The following AGBL4 variants were observed in gnomAD, a reference collection of about 807,000 sequenced individuals.
The protein encoded by AGBL4 is cytosolic carboxypeptidase 6.
In AGBL4, 58 loss-of-function variants were observed where a neutral mutation model predicts 66.4. That is an observed-to-expected ratio of 0.87 (90% CI 0.71 to 1.09). AGBL4 has a LOEUF of 1.09. AGBL4 is among the 50% of genes least tolerant of loss of function. The pLI is 0.00. For synonymous variants in AGBL4, 234 were observed against 222.9 expected (o/e 1.05, Z -0.44); for missense variants, 579 against 631.0 (o/e 0.92, Z 0.88).
chr1:48,522,845 G>C, the AGBL4 span, among the ~76,000 whole-genome samples: 1 of 151,344 alleles, frequency 6.6e-6, no homozygotes, highest in African/African-American at 2.4e-5. Flanking sequence ...AGAATCGCTT[G>C]AACCTGGGAG....
intron 4 of AGBL4, among the ~76,000 whole-genome samples, chr1:49,243,114 T>C (rs1346052391): frequency 6.6e-6 from 1 of 151,250 alleles, no homozygotes; most frequent in East Asian, 1.9e-4. Context: ...ATCCAGGAAA[T>C]TTCAGATTTT....
chr1:48,760,972 T>C (rs1333289243), intron 6 of AGBL4: 1 of 173,030 alleles, frequency 5.8e-6, no homozygotes, highest in Non-Finnish European at 1.2e-5. Flanking sequence ...ACTCTGACAG[T>C]GACTGGCCCT....
At chr1:48,958,580 C>T (rs75145983) in intron 5 of AGBL4, among the ~76,000 whole-genome samples, 1,647 of 152,340 alleles carry the variant, frequency 0.011, 31 homozygotes, top group African/African-American at 0.038. Flanking sequence ...ACAATCTTTA[C>T]AGCAAGGGAA....
intron 1 of AGBL4, among the ~76,000 whole-genome samples, chr1:49,883,386 A>T (rs1264648060): frequency 6.6e-6 from 1 of 152,060 alleles, no homozygotes; most frequent in Non-Finnish European, 1.5e-5. Context: ...TCCCCAAGCA[A>T]AGATAATTAT....
At chr1:48,617,832 T>C in intron 9 of AGBL4, among the ~76,000 whole-genome samples, 1 of 152,150 alleles carries the variant, frequency 6.6e-6, no homozygotes, top group East Asian at 1.9e-4. Context: ...CTCAGAGACA[T>C]CTGGGAAAGG....
Position 49,680,052 on chromosome 1 carries a change from T to TC in AGBL4, c.282+17260_282+17261insG, listed in dbSNP as rs201816792. 2.6e-3 allele frequency among the ~76,000 whole-genome samples: 370 copies of TC among 144,454 alleles called. 2 individuals are homozygous for TC. Among genetic ancestry groups the TC allele is most frequent in the African/African-American group, 8.7e-3 (340 of 39,012 alleles). The allele number at this position is 144,454 out of a possible 152,430, so 94.8% of individuals were successfully genotyped here. ...ATTTTCTTCTTCTTCTTCTTCCCTT[T>TC]TTTTTTTTTTTTTTTTTGAGATGGA... On this transcript the variant is annotated intron_variant, in intron 3 of 13. Transcript: ENST00000371839.
intron 4 of AGBL4, among the ~76,000 whole-genome samples, chr1:49,064,704 T>A (rs888599018): frequency 3.3e-5 from 5 of 152,196 alleles, no homozygotes; most frequent in Non-Finnish European, 5.9e-5. Context: ...ATATAAGCCA[T>A]ATTTGCCTTT....
intron 3 of AGBL4, among the ~76,000 whole-genome samples, chr1:49,308,455 G>A (rs1310075895): frequency 6.6e-6 from 1 of 152,002 alleles, no homozygotes; most frequent in Non-Finnish European, 1.5e-5. Context: ...GGAAAAGTAT[G>A]CTGTCAGGGT....
chr1:49,105,754 C>A (rs149846092), intron 4 of AGBL4, among the ~76,000 whole-genome samples: 1 of 152,072 alleles, frequency 6.6e-6, no homozygotes, highest in Non-Finnish European at 1.5e-5. Context: ...CATAAGAGTA[C>A]CTAATTCATA....
intron 8 of AGBL4, among the ~76,000 whole-genome samples, chr1:48,644,818 G>A (rs1033274920): frequency 2.0e-5 from 3 of 152,180 alleles, no homozygotes; most frequent in South Asian, 2.1e-4. Flanking sequence ...GGGAGCCGCC[G>A]AAGGATTTTT....
intron 4 of AGBL4, among the ~76,000 whole-genome samples, chr1:49,088,407 C>G (rs886298645): frequency 6.6e-6 from 1 of 151,994 alleles, no homozygotes; most frequent in African/African-American, 2.4e-5. Flanking sequence ...GAAAATCTAT[C>G]AAGCAAACAG....
At chr1:48,639,149 T>A (rs1484405) in intron 8 of AGBL4, among the ~76,000 whole-genome samples, 55,404 of 152,136 alleles carry the variant, frequency 0.36, 12,280 homozygotes, top group Non-Finnish European at 0.47. Context: ...AAAAATAGAA[T>A]GTAACTGGTG....
chr1:49,163,716 T>C (rs1646581756), intron 4 of AGBL4, among the ~76,000 whole-genome samples: 1 of 152,162 alleles, frequency 6.6e-6, no homozygotes, highest in South Asian at 2.1e-4. Flanking sequence ...TTTTAGGATA[T>C]TTCCTGAAAG....
intron 1 of AGBL4, among the ~76,000 whole-genome samples, chr1:49,964,268 C>T (rs976059793): frequency 1.1e-4 from 17 of 151,970 alleles, no homozygotes; most frequent in African/African-American, 1.9e-4. Flanking sequence ...GTCCTTCATC[C>T]GCCATTTACT....
At chr1:48,527,689 A>G in the AGBL4 span, among the ~76,000 whole-genome samples, 12 of 152,184 alleles carry the variant, frequency 7.9e-5, 1 homozygote, top group East Asian at 2.3e-3. Context: ...GACTGGGAGG[A>G]TATCATGAAG....
downstream of AGBL4, among the ~76,000 whole-genome samples, chr1:48,528,405 G>C (rs185106972): frequency 2.0e-5 from 3 of 152,062 alleles, no homozygotes; most frequent in Non-Finnish European, 4.4e-5. Context: ...ATTGACATGG[G>C]GTCAGCTAAA....
chr1:49,063,039 A>G (rs578141906), intron 4 of AGBL4, among the ~76,000 whole-genome samples: 3 of 152,188 alleles, frequency 2.0e-5, no homozygotes, highest in Non-Finnish European at 4.4e-5. Flanking sequence ...CTCAGTAAAG[A>G]GCTTTTGGTA....
intron 3 of AGBL4, among the ~76,000 whole-genome samples, chr1:49,498,345 T>C (rs1647804248): frequency 6.6e-6 from 1 of 151,886 alleles, no homozygotes; most frequent in South Asian, 2.1e-4. Flanking sequence ...CCTATATGAA[T>C]GTCCTTTATT....
At chr1:49,978,311 G>A (rs1055371985) in intron 1 of AGBL4, among the ~76,000 whole-genome samples, 1 of 152,146 alleles carries the variant, frequency 6.6e-6, no homozygotes, top group Admixed American at 6.5e-5. Context: ...AGGTATAGTG[G>A]TATGCACTTG....
Sources: allele counts gnomAD v4.1 joint callset (sites outside exome capture counted in the v4.1 genomes callset), GRCh38; gene constraint gnomAD v4.1.1; transcripts MANE v1.5; gene names NCBI Gene and HGNC (gene_info 2026-07-23, HGNC 2026-07-21).